Variants in EYS observed in about 807,000 individuals in gnomAD.
EYS encodes EGF-like photoreceptor maintenance factor, also known as protein eyes shut homolog.
Under a neutral mutation model 282.1 loss-of-function variants are expected in EYS, and 250 were observed. The ratio of observed to expected loss-of-function variants is 0.89; its 90% confidence interval spans 0.80 to 0.98. The LOEUF (loss-of-function observed/expected upper bound fraction) is 0.98, where lower values mean the gene tolerates loss of function less well. Ranked by LOEUF, EYS falls within the 50% of genes least tolerant of loss-of-function variation. The probability of loss-of-function intolerance (pLI) is 0.00; values close to 1 mark genes in which losing one functional copy is unlikely to be tolerated. For synonymous variants in EYS, 1,355 were observed against 1,282.9 expected (o/e 1.06, Z -1.20); for missense variants, 4,016 against 3,709.0 (o/e 1.08, Z -2.15).
chr6:64,262,734 T>G (rs549333826), intron 30 of EYS, among the ~76,000 whole-genome samples: 14 of 152,036 alleles, frequency 9.2e-5, no homozygotes, highest in Admixed American at 3.3e-4. Context: ...TTTCTTTTAT[T>G]TTGTTTCCTG....
At chr6:65,545,732 C>A (rs926940614) in intron 2 of EYS, among the ~76,000 whole-genome samples, 2 of 151,984 alleles carry the variant, frequency 1.3e-5, no homozygotes, top group African/African-American at 4.8e-5. Flanking sequence ...AAGCAATGAA[C>A]AAACATGGAA....
At chr6:63,797,883 T>C (rs1468096587) in intron 37 of EYS, 4 of 152,174 alleles carry the variant, frequency 2.6e-5, no homozygotes, top group Non-Finnish European at 1.5e-5. Flanking sequence ...TATGAAAATG[T>C]GATAAAATGC....
intron 22 of EYS, among the ~76,000 whole-genome samples, chr6:64,668,527 A>C (rs1769315639): frequency 1.4e-5 from 2 of 145,122 alleles, no homozygotes; most frequent in African/African-American, 2.5e-5. Context: ...CCAGCCTTCC[A>C]GCTAGTACCA....
intron 2 of EYS, among the ~76,000 whole-genome samples, chr6:65,550,149 T>TCAGA (rs1768559023): frequency 2.1e-4 from 3 of 14,382 alleles, no homozygotes; most frequent in African/African-American, 4.0e-4. Flanking sequence ...ATATCTTTTT[T>TCAGA]TTTTTTTTTT....
chr6:64,309,588 CA>C (rs1769592461), intron 29 of EYS, among the ~76,000 whole-genome samples: 1 of 63,610 alleles, frequency 1.6e-5, no homozygotes, highest in African/African-American at 1.2e-4. Context: ...AATATACAAA[CA>C]ACCTTCTTAT....
chr6:65,352,240 T>C (rs568080698), intron 9 of EYS, among the ~76,000 whole-genome samples: 1 of 152,012 alleles, frequency 6.6e-6, no homozygotes, highest in South Asian at 2.1e-4. Flanking sequence ...TTCAACACTG[T>C]TGTGATGTAA....
intron 19 of EYS, among the ~76,000 whole-genome samples, chr6:64,826,671 C>T (rs1390274): frequency 0.44 from 64,585 of 147,384 alleles, 14,782 homozygotes; most frequent in East Asian, 0.81. Context: ...TATATAAATA[C>T]ATGATTTTAT....
At chr6:64,511,905 A>G (rs1413806605) in intron 26 of EYS, among the ~76,000 whole-genome samples, 1 of 152,040 alleles carries the variant, frequency 6.6e-6, no homozygotes, top group African/African-American at 2.4e-5. Flanking sequence ...TCTTTAGGTA[A>G]AGAACATATA....
intron 22 of EYS, among the ~76,000 whole-genome samples, chr6:64,650,773 C>T (rs749353996): frequency 1.5e-4 from 23 of 151,948 alleles, no homozygotes; most frequent in Non-Finnish European, 3.1e-4. Flanking sequence ...AAAAAAGGTG[C>T]TTTTCACATC....
intron 19 of EYS, among the ~76,000 whole-genome samples, chr6:64,882,950 A>C (rs985385494): frequency 6.6e-6 from 1 of 151,578 alleles, no homozygotes; most frequent in Non-Finnish European, 1.5e-5. Context: ...AGAAAATAAC[A>C]GAAGCCAAGA....
chr6:65,140,224 C>T (rs1309329063), intron 12 of EYS, among the ~76,000 whole-genome samples: 2 of 151,452 alleles, frequency 1.3e-5, no homozygotes, highest in African/African-American at 4.9e-5. Flanking sequence ...GAAATAAAAA[C>T]ATAAGTAAAA....
At chr6:63,924,651 T>C (rs1310230268) in intron 35 of EYS, among the ~76,000 whole-genome samples, 1 of 152,156 alleles carries the variant, frequency 6.6e-6, no homozygotes, top group Non-Finnish European at 1.5e-5. Flanking sequence ...TTAGTTTCTA[T>C]AGGGGCTCAG....
intron 5 of EYS, among the ~76,000 whole-genome samples, chr6:65,462,732 CTATT>C (rs1269082764): frequency 6.6e-6 from 1 of 151,822 alleles, no homozygotes; most frequent in Non-Finnish European, 1.5e-5. Context: ...AAATTTAAAA[CTATT>C]CATTCTCTCA....
chr6:64,002,750 C>A lies in EYS; in HGVS notation c.6726-3567G>T, dbSNP rs1040537667. The stretch of plus-strand genomic sequence containing the variant: ...ATAGGGTCCCACTATGTTGCCCAGG[C>A]GGGTCTTGAACTCCTGGGCTTAAGT... On this transcript the variant is annotated intron_variant, in intron 33 of 42. Coordinates refer to ENST00000503581, the MANE Select transcript of EYS (RefSeq NM_001142800.2). 2.6e-5 allele frequency among the ~76,000 whole-genome samples: 4 copies of A among 152,116 alleles called. No individual in the cohort carries two copies. The South Asian group carries it at 6.2e-4, about 24-fold the overall frequency.
intron 35 of EYS, among the ~76,000 whole-genome samples, chr6:63,867,293 A>T (rs927254913): frequency 1.3e-5 from 2 of 152,150 alleles, no homozygotes; most frequent in Non-Finnish European, 2.9e-5. Context: ...TATGAAATAT[A>T]TTTTTTTCAT....
chr6:64,391,205 G>T (rs976671760), intron 28 of EYS, among the ~76,000 whole-genome samples: 3 of 151,746 alleles, frequency 2.0e-5, no homozygotes, highest in Non-Finnish European at 2.9e-5. Context: ...CACTCTGCAG[G>T]ATATTATCCA....
At chr6:65,106,939 A>G (rs1218944315) in intron 12 of EYS, among the ~76,000 whole-genome samples, 1 of 152,134 alleles carries the variant, frequency 6.6e-6, no homozygotes, top group South Asian at 2.1e-4. Context: ...AAAGAACTTA[A>G]TATTATTTAT....
chr6:64,802,033 C>CTT (rs70999173), intron 22 of EYS, among the ~76,000 whole-genome samples: 1 of 112,672 alleles, frequency 8.9e-6, no homozygotes, highest in African/African-American at 3.3e-5. Flanking sequence ...CTTTTTTTTT[C>CTT]TTTTTTTTTT....
chr6:64,690,992 A>C (rs1238557699), intron 22 of EYS, among the ~76,000 whole-genome samples: 1 of 152,070 alleles, frequency 6.6e-6, no homozygotes, highest in Non-Finnish European at 1.5e-5. Flanking sequence ...AATAAATAAT[A>C]AAAATAATAA....
Sources: gnomAD v4.1 joint callset for allele counts (sites outside exome capture counted in the v4.1 genomes callset) on GRCh38, gnomAD v4.1.1 for gene constraint, MANE v1.5 for transcripts, NCBI Gene and HGNC (gene_info 2026-07-23, HGNC 2026-07-21) for gene names.